Variants in MNS1 observed in about 807,000 individuals in gnomAD.
MNS1 encodes the protein meiosis specific nuclear structural 1.
Under a neutral mutation model 72.0 loss-of-function variants are expected in MNS1, and 63 were observed. The observed-to-expected ratio is 0.87, with a 90% confidence interval of 0.71 to 1.08. MNS1 has a LOEUF of 1.08. Among genes scored for constraint, MNS1 ranks in the 50% least tolerant of loss-of-function variants. The probability of loss-of-function intolerance (pLI) is 0.00; values close to 1 mark genes in which losing one functional copy is unlikely to be tolerated. For missense variants in MNS1, 604 were observed against 562.4 expected, an observed-to-expected ratio of 1.07 and a Z score of -0.75; for synonymous variants, 188 against 172.1, an observed-to-expected ratio of 1.09 and a Z score of -0.72.
chr15:56,454,223 G>A (rs1400333098), intron 3 of MNS1, among the ~76,000 whole-genome samples: 1 of 151,974 alleles, frequency 6.6e-6, no homozygotes, highest in Non-Finnish European at 1.5e-5. Context: ...TAGTTTTTGT[G>A]GGTACACAGT....
chr15:56,433,563 C>T (rs1441407518), intron 8 of MNS1, among the ~76,000 whole-genome samples: 2 of 152,128 alleles, frequency 1.3e-5, no homozygotes, highest in Non-Finnish European at 2.9e-5. Flanking sequence ...GATCCCTTAT[C>T]TATTTGCATG....
Position 56,464,188 on chromosome 15 carries a change from G to A in MNS1, c.63C>T (p.Asn21=). Residue 21 remains asparagine, a synonymous_variant, in exon 2 of 10, where the codon AAC becomes AAT. Coordinates refer to ENST00000260453, the MANE Select transcript of MNS1 (RefSeq NM_018365.4). ...SERHQKLVDE[N]YCKKLHVQAL... Reference sequence around the variant, plus strand: ...CTTGGACATGTAATTTTTTGCAGTAGTTTTCATCTACTAATTTCTGATGCC... The same window carrying A: ...CTTGGACATGTAATTTTTTGCAGTAATTTTCATCTACTAATTTCTGATGCC... 6.2e-7 allele frequency: 1 copy of A among 1,613,716 alleles called. No homozygotes were observed. The highest frequency in any genetic ancestry group is 8.5e-7 in the Non-Finnish European group (1 of 1,179,942).
chr15:56,434,257 C>G lies in MNS1; in HGVS notation c.1150G>C (p.Ala384Pro). Residue 384 changes from alanine (A) to proline (P), a missense_variant, in exon 8 of 10, where the codon GCT becomes CCT. Transcript: ENST00000260453. Reference sequence around the variant, plus strand: ...ATTAATTCTATTCGATCATCCTCAGCAAATTTAGCTAGCATAGTTTTTCTA... The same window carrying G: ...ATTAATTCTATTCGATCATCCTCAGGAAATTTAGCTAGCATAGTTTTTCTA... ...NFRKTMLAKF[A>P]EDDRIELMNA... 6.2e-7 allele frequency: 1 copy of G among 1,613,932 alleles called. No homozygotes were observed. Among genetic ancestry groups the G allele is most frequent in the Non-Finnish European group, 8.5e-7 (1 of 1,179,908 alleles).
chr15:56,464,301 T>TA (rs142867442), intron 1 of MNS1, 54 bp from the exon 2 acceptor site: 29 of 1,279,690 alleles, frequency 2.3e-5, no homozygotes, highest in South Asian at 2.8e-5. Context: ...AATCTAATTT[T>TA]AAAAAATGTA....
Position 56,444,520 on chromosome 15 carries a change from CCTG to C in MNS1, c.607_609del (p.Gln203del), listed in dbSNP as rs758218492. 123 of 1,612,250 alleles carry C rather than the reference CCTG, an allele frequency of 7.6e-5. No homozygotes were observed. Among genetic ancestry groups the C allele is most frequent in the African/African-American group, 2.7e-5 (2 of 74,950 alleles). ...TCTTTTAGCAGCTGCTCATAAGCTT[CCTG>C]CTTTTTTTTTTCTTGTTCTTCAAGT... On this transcript the variant is annotated inframe_deletion, in exon 5 of 10. Coordinates refer to ENST00000260453, the MANE Select transcript of MNS1 (RefSeq NM_018365.4).
intron 7 of MNS1, among the ~76,000 whole-genome samples, chr15:56,436,491 A>G (rs573455863): frequency 1.3e-5 from 2 of 152,352 alleles, no homozygotes; most frequent in African/African-American, 4.8e-5. Context: ...CTAAATGCCC[A>G]CAAGAAAAAT....
At chr15:56,439,353 T>C (rs1455937015) in intron 7 of MNS1, among the ~76,000 whole-genome samples, 1 of 152,056 alleles carries the variant, frequency 6.6e-6, no homozygotes, top group Non-Finnish European at 1.5e-5. Flanking sequence ...TATTCAAATT[T>C]AATTCAATAC....
intron 2 of MNS1, among the ~76,000 whole-genome samples, chr15:56,456,827 C>G (rs1274204824): frequency 6.6e-6 from 1 of 151,922 alleles, no homozygotes; most frequent in Non-Finnish European, 1.5e-5. Flanking sequence ...CTCTTTTTTC[C>G]CTTATTCTTT....
chr15:56,457,364 G>A (rs1245547066), intron 2 of MNS1, among the ~76,000 whole-genome samples: 3 of 152,118 alleles, frequency 2.0e-5, no homozygotes, highest in Admixed American at 2.0e-4. Flanking sequence ...ATCAGGAAAT[G>A]CAAATTAGAA....
intron 2 of MNS1, among the ~76,000 whole-genome samples, chr15:56,463,458 T>C (rs1278671912): frequency 6.6e-6 from 1 of 152,172 alleles, no homozygotes; most frequent in African/African-American, 2.4e-5. Flanking sequence ...GGAGGTACTA[T>C]TCTTATTCCC....
At position 56,429,201 on chromosome 15, in the gene MNS1, A is replaced by G; in HGVS notation, c.1396-8T>C. 6.4e-7 allele frequency: 1 copy of G among 1,566,662 alleles called. No individual in the cohort carries two copies. The highest frequency in any genetic ancestry group is 8.7e-7 in the Non-Finnish European group (1 of 1,150,972). Reference sequence around the variant, plus strand: ...CTCTTTTTTAAATACTCCCTACGAGAAAAATACTTTGTGGGTTACTTTTGA... The same window carrying G: ...CTCTTTTTTAAATACTCCCTACGAGGAAAATACTTTGTGGGTTACTTTTGA... On this transcript the variant is annotated splice_polypyrimidine_tract_variant and splice_region_variant and intron_variant, in intron 9 of 9. Transcript: ENST00000260453.
intron 3 of MNS1, among the ~76,000 whole-genome samples, chr15:56,452,956 A>C (rs1463162901): frequency 2.0e-5 from 3 of 152,204 alleles, no homozygotes; most frequent in African/African-American, 7.2e-5. Context: ...GATAGCCTCA[A>C]GCCTGCTATG....
At position 56,434,385 on chromosome 15, in the gene MNS1, T is replaced by G; in HGVS notation, c.1022A>C (p.Glu341Ala). The change falls in exon 8 of 10, where the codon GAA becomes GCA. Residue 341 changes from glutamate to alanine, a missense_variant. Transcript: ENST00000260453. ...IYKSKLKEEA[E>A]KKLRKQKEMK... ...CTCTTTTTGCTTTCTCAATTTCTTT[T>G]CTGCTTCTTCCTAAACAATACAGCT... 7 of 1,611,142 alleles carry G rather than the reference T, an allele frequency of 4.3e-6. No homozygotes were observed. The highest frequency in any genetic ancestry group is 5.9e-6 in the Non-Finnish European group (7 of 1,178,994).
chr15:56,462,283 A>G (rs2051028576), intron 2 of MNS1, among the ~76,000 whole-genome samples: 2 of 152,178 alleles, frequency 1.3e-5, no homozygotes, highest in East Asian at 1.9e-4. Context: ...TTGTGAAACC[A>G]CAGATGAAAG....
chr15:56,430,794 C>A (rs1486900454), intron 9 of MNS1, among the ~76,000 whole-genome samples: 1 of 152,308 alleles, frequency 6.6e-6, no homozygotes, highest in African/African-American at 2.4e-5. Flanking sequence ...CATACACATT[C>A]TCATCTTTGG....
intron 7 of MNS1, among the ~76,000 whole-genome samples, chr15:56,440,432 G>A (rs1303711714): frequency 6.6e-6 from 1 of 152,154 alleles, no homozygotes; most frequent in Non-Finnish European, 1.5e-5. Flanking sequence ...CTAACATGCA[G>A]TTACCACAAA....
Position 56,446,829 on chromosome 15 carries a change from A to T in MNS1, c.456+12T>A. On this transcript the variant is annotated intron_variant, in intron 4 of 9. Transcript: ENST00000260453. ...ATGAAGCTAAAAACATAATGACCAGAAACATGATTACCATTTGTTCATATT... is the reference window on the plus strand; with the variant it reads ...ATGAAGCTAAAAACATAATGACCAGTAACATGATTACCATTTGTTCATATT... The T allele has an allele frequency of 1.9e-6, 3 of 1,577,140 alleles. No homozygotes were observed. The highest frequency in any genetic ancestry group is 2.6e-6 in the Non-Finnish European group (3 of 1,151,968).
chr15:56,432,228 G>A (rs1397097912), intron 8 of MNS1, among the ~76,000 whole-genome samples: 2 of 152,158 alleles, frequency 1.3e-5, no homozygotes. Context: ...AGAAGGATCT[G>A]GCAGGCCACA....
intron 2 of MNS1, among the ~76,000 whole-genome samples, chr15:56,461,660 CAAAAAAAAA>C (rs11294380): frequency 1.8e-5 from 1 of 57,088 alleles, no homozygotes; most frequent in Non-Finnish European, 3.2e-5. Flanking sequence ...GACTCTGTCT[CAAAAAAAAA>C]AAAAAAAAAA....
Sources: allele counts gnomAD v4.1 joint callset (sites outside exome capture counted in the v4.1 genomes callset), GRCh38; gene constraint gnomAD v4.1.1; transcripts MANE v1.5; gene names NCBI Gene and HGNC (gene_info 2026-07-23, HGNC 2026-07-21).